The following NPAS2 variants were observed in gnomAD, a reference collection of about 807,000 sequenced individuals.
The protein encoded by NPAS2 is neuronal PAS domain protein 2, also known as neuronal PAS domain-containing protein 2.
In NPAS2, 23 loss-of-function variants were observed where a neutral mutation model predicts 107.5. That is an observed-to-expected ratio of 0.21 (90% CI 0.15 to 0.30). NPAS2 has a LOEUF of 0.30. Among genes scored for constraint, NPAS2 ranks in the 10% least tolerant of loss-of-function variants. NPAS2 has a pLI of 1.00. For missense variants in NPAS2, 756 were observed against 1,043.3 expected (o/e 0.72, Z 3.79); for synonymous variants, 403 against 417.5 (o/e 0.97, Z 0.42).
At chr2:100,844,197 A>G (rs1291151345) in intron 1 of NPAS2, among the ~76,000 whole-genome samples, 1 of 152,098 alleles carries the variant, frequency 6.6e-6, no homozygotes, top group Non-Finnish European at 1.5e-5. Context: ...CTACCCAGCA[A>G]CCACCATGCC....
chr2:100,944,054 TCTACA>T (rs1674741665), intron 5 of NPAS2, among the ~76,000 whole-genome samples: 2 of 152,348 alleles, frequency 1.3e-5, no homozygotes, highest in African/African-American at 4.8e-5. Context: ...AAAGCCATTC[TCTACA>T]CTACCTTCTG....
At chr2:100,842,173 G>T (rs1677478278) in intron 1 of NPAS2, among the ~76,000 whole-genome samples, 1 of 152,022 alleles carries the variant, frequency 6.6e-6, no homozygotes, top group Non-Finnish European at 1.5e-5. Context: ...ATGTCCAAAG[G>T]GATGAAGCCT....
intron 2 of NPAS2, among the ~76,000 whole-genome samples, chr2:100,924,367 C>G (rs535064406): frequency 2.0e-5 from 3 of 152,222 alleles, no homozygotes; most frequent in Admixed American, 6.5e-5. Context: ...ATTCACTGCC[C>G]TAAAAATCCT....
intron 1 of NPAS2, among the ~76,000 whole-genome samples, chr2:100,899,279 A>T (rs72627429): frequency 0.07 from 10,252 of 147,280 alleles, 758 homozygotes; most frequent in East Asian, 0.36. Flanking sequence ...GCTGGAGTGC[A>T]GTGGCGTGAT....
At chr2:100,841,814 A>G (rs927837869) in intron 1 of NPAS2, among the ~76,000 whole-genome samples, 2 of 152,240 alleles carry the variant, frequency 1.3e-5, no homozygotes, top group African/African-American at 4.8e-5. Context: ...ACATGTATAT[A>G]CCCACAGAAA....
intron 2 of NPAS2, among the ~76,000 whole-genome samples, chr2:100,905,799 T>C (rs557282055): frequency 6.6e-6 from 1 of 152,286 alleles, no homozygotes; most frequent in East Asian, 1.9e-4. Context: ...ACTGCTTGCT[T>C]GTCACCTGTA....
At chr2:100,982,979 GTTTTGTT>G in intron 16 of NPAS2, 1 of 152,562 alleles carries the variant, frequency 6.6e-6, no homozygotes, top group East Asian at 1.9e-4. Flanking sequence ...GTGTTGTTTT[GTTTTGTT>G]TTTTGTTTTG....
chr2:100,862,249 A>G (rs1039273676), intron 1 of NPAS2, among the ~76,000 whole-genome samples: 2 of 152,050 alleles, frequency 1.3e-5, no homozygotes, highest in African/African-American at 4.8e-5. Flanking sequence ...GTCTGATCAG[A>G]CCTCGGAAGG....
intron 7 of NPAS2, among the ~76,000 whole-genome samples, chr2:100,958,201 C>A (rs1483557728): frequency 6.6e-6 from 1 of 152,150 alleles, no homozygotes; most frequent in African/African-American, 2.4e-5. Context: ...TTTACCTACT[C>A]GCCTCTAACC....
intron 7 of NPAS2, among the ~76,000 whole-genome samples, chr2:100,957,091 T>A (rs1675615647): frequency 6.6e-6 from 1 of 152,220 alleles, no homozygotes; most frequent in Non-Finnish European, 1.5e-5. Context: ...TAGGGCTTCA[T>A]CATTTGCCAC....
intron 1 of NPAS2, among the ~76,000 whole-genome samples, chr2:100,900,182 G>A (rs1681679805): frequency 2.0e-5 from 3 of 152,164 alleles, no homozygotes; most frequent in Admixed American, 2.0e-4. Flanking sequence ...GGGAGAAAAT[G>A]TTCACCATTC....
At chr2:100,967,584 A>C (rs1676300331) in intron 10 of NPAS2, among the ~76,000 whole-genome samples, 1 of 152,080 alleles carries the variant, frequency 6.6e-6, no homozygotes, top group Non-Finnish European at 1.5e-5. Flanking sequence ...CCATTTACCT[A>C]AAGAGGTGCT....
At chr2:100,980,248 C>T (rs1168828845) in intron 15 of NPAS2, among the ~76,000 whole-genome samples, 2 of 152,172 alleles carry the variant, frequency 1.3e-5, no homozygotes, top group Admixed American at 6.5e-5. Context: ...ACCGATGAGC[C>T]GCCTCCACTG....
At chr2:100,950,646 AG>A (rs1675165807) in intron 7 of NPAS2, among the ~76,000 whole-genome samples, 1 of 152,236 alleles carries the variant, frequency 6.6e-6, no homozygotes. Context: ...CTAAACCTTT[AG>A]TGTGATCCTG....
At chr2:100,904,864 C>A in intron 2 of NPAS2, 78 bp downstream of exon 2, 1 of 1,067,248 alleles carries the variant, frequency 9.4e-7, no homozygotes, top group Non-Finnish European at 1.4e-6. Context: ...CGCTGGCTTT[C>A]ACTCTGTGCA....
At chr2:100,877,849 T>G (rs757776612) in intron 1 of NPAS2, 2 of 524,730 alleles carry the variant, frequency 3.8e-6, no homozygotes, top group Non-Finnish European at 4.9e-6. Context: ...TTTATTTCAT[T>G]TCACATACTG....
chr2:100,952,260 G>A (rs1675271579), intron 7 of NPAS2, among the ~76,000 whole-genome samples: 1 of 152,074 alleles, frequency 6.6e-6, no homozygotes, highest in South Asian at 2.1e-4. Flanking sequence ...AGGCACCCTG[G>A]CCCTCAGGGC....
chr2:100,987,972 C>A, intron 16 of NPAS2, 107 bp from the exon 17 acceptor site: 2 of 1,176,582 alleles, frequency 1.7e-6, no homozygotes, highest in South Asian at 1.4e-5. Flanking sequence ...TATTTCTAGG[C>A]AGCTCAGAGC....
chr2:100,843,554 T>G (rs1677581319), intron 1 of NPAS2, among the ~76,000 whole-genome samples: 1 of 152,196 alleles, frequency 6.6e-6, no homozygotes, highest in African/African-American at 2.4e-5. Flanking sequence ...CAGTATGTTT[T>G]GAGATAGTTT....
Sources: gnomAD v4.1 joint callset for allele counts (sites outside exome capture counted in the v4.1 genomes callset) on GRCh38, gnomAD v4.1.1 for gene constraint, MANE v1.5 for transcripts, NCBI Gene and HGNC (gene_info 2026-07-23, HGNC 2026-07-21) for gene names.